Variants in DEF6 observed in about 807,000 individuals in gnomAD.
The protein encoded by DEF6 is differentially expressed in FDCP 6 homolog.
A neutral mutation model predicts 80.5 loss-of-function variants in DEF6; 32 were observed. The ratio of observed to expected loss-of-function variants is 0.40; its 90% CI spans 0.30 to 0.53. The LOEUF (loss-of-function observed/expected upper bound fraction) is 0.53, where lower values mean the gene tolerates loss of function less well. Among genes scored for constraint, DEF6 ranks in the 20% least tolerant of loss-of-function variants. The pLI, the probability that DEF6 is intolerant of heterozygous loss-of-function variation, is 0.57. For missense variants in DEF6, 575 were observed against 818.7 expected (o/e 0.70, Z 3.63); for synonymous variants, 300 against 337.9 (o/e 0.89, Z 1.23).
chr6:35,305,866 C>G (rs1791382847), intron 1 of DEF6, among the ~76,000 whole-genome samples: 1 of 151,958 alleles, frequency 6.6e-6, no homozygotes, highest in Admixed American at 6.5e-5. Context: ...AACCACTGCG[C>G]CTGGCCAAAT....
Position 35,318,019 on chromosome 6 carries a change from C to T in DEF6, c.916+20C>T, listed in dbSNP as rs1455424625. The T allele has an allele frequency of 3.1e-6, 5 of 1,605,816 alleles. No individual in the cohort carries two copies. The highest frequency in any genetic ancestry group is 2.7e-5 in the African/African-American group (2 of 74,746). ...CAGCTGGTGAGTGCTCGCTAGGTGGCTTGGGTCTGGGTGGTCCTTAGGCGC... is the reference window on the plus strand; with the variant it reads ...CAGCTGGTGAGTGCTCGCTAGGTGGTTTGGGTCTGGGTGGTCCTTAGGCGC... On this transcript the variant is annotated intron_variant, in intron 6 of 10. Coordinates refer to ENST00000316637, the MANE Select transcript of DEF6 (RefSeq NM_022047.4). The surrounding 1 kb of genome is among the most constrained non-coding windows in gnomAD (Gnocchi z 5.1).
At chr6:35,306,114 G>C (rs1240812211) in intron 1 of DEF6, among the ~76,000 whole-genome samples, 1 of 150,908 alleles carries the variant, frequency 6.6e-6, no homozygotes. Context: ...GGTGGGTCTC[G>C]AACTCCTGAC....
At chr6:35,321,028 G>A (rs1791584316) in intron 10 of DEF6, 54 bp downstream of exon 10, 1 of 1,599,946 alleles carries the variant, frequency 6.3e-7, no homozygotes, top group Non-Finnish European at 8.6e-7. Context: ...GAGAAAGGAG[G>A]GAGAAAGGTC....
chr6:35,315,847 CTTTTT>C (rs1159503411), intron 5 of DEF6, among the ~76,000 whole-genome samples: 4 of 113,818 alleles, frequency 3.5e-5, no homozygotes, highest in South Asian at 2.8e-4. Context: ...GTTGGAGTCC[CTTTTT>C]TTTTTTTTTT....
Position 35,321,197 on chromosome 6 carries a change from G to T in DEF6, c.1683G>T (p.Pro561=). 6.2e-7 allele frequency: 1 copy of T among 1,612,178 alleles called. No individual in the cohort carries two copies. ...MHPIEPGDKR[P]VTSSSFSGFQ... is the part of the protein sequence containing the mutation. ...CCTTCTCTCTGCCAGATAAGCGTCC[G>T]GTCACCAGCAGCTCCTTCTCAGGCT... is the stretch of plus-strand genomic sequence containing the variant. Residue 561 remains proline, a synonymous_variant, in exon 11 of 11, where the codon CCG becomes CCT. Transcript: ENST00000316637.
chr6:35,307,913 G>C (rs1791412975), intron 1 of DEF6, among the ~76,000 whole-genome samples: 1 of 152,160 alleles, frequency 6.6e-6, no homozygotes, highest in African/African-American at 2.4e-5. Context: ...CCTAGGAACT[G>C]ATTCCAAGGT....
At chr6:35,316,728 A>G (rs928123187) in intron 5 of DEF6, among the ~76,000 whole-genome samples, 2 of 152,216 alleles carry the variant, frequency 1.3e-5, no homozygotes, top group African/African-American at 4.8e-5. Context: ...ATGTTGAACC[A>G]TCCTTGCATC....
chr6:35,319,733 T>G lies in DEF6; in HGVS notation c.1382+43T>G. On this transcript the variant is annotated intron_variant, in intron 8 of 10. Coordinates refer to ENST00000316637, the MANE Select transcript of DEF6 (RefSeq NM_022047.4). This position sits in a 1 kb window ranked among gnomAD's most constrained non-coding sequence, Gnocchi z 4.5. The stretch of plus-strand genomic sequence containing the variant: ...CTTCTGGTTCTCTCACCACCCCTCC[T>G]GGAACACACCCCAGTTTTCCTGCTT... 1 of 1,609,510 alleles carries G rather than the reference T, an allele frequency of 6.2e-7. No homozygotes were observed. Among genetic ancestry groups the G allele is most frequent in the Non-Finnish European group, 8.5e-7 (1 of 1,176,756 alleles).
At chr6:35,313,154 CT>C (rs1000044704) in intron 5 of DEF6, among the ~76,000 whole-genome samples, 3 of 152,152 alleles carry the variant, frequency 2.0e-5, no homozygotes, top group Admixed American at 6.6e-5. Context: ...CCATACCCCT[CT>C]CCTCTGTCTT....
intron 9 of DEF6, 47 bp from the exon 10 acceptor site, chr6:35,320,837 C>T (rs764140620): frequency 6.5e-6 from 10 of 1,527,806 alleles, no homozygotes; most frequent in Non-Finnish European, 8.1e-6. Flanking sequence ...AGACTCCATG[C>T]CATGGATGAT....
At position 35,312,263 on chromosome 6, in the gene DEF6, AC is replaced by A. The variant is rs1315165076; in HGVS notation, c.424-37del. On this transcript the variant is annotated intron_variant, in intron 3 of 10. Coordinates refer to ENST00000316637, the MANE Select transcript of DEF6 (RefSeq NM_022047.4). The surrounding 1 kb of genome is among the most constrained non-coding windows in gnomAD (Gnocchi z 6.6). ...CCCTGGTGTTGGTGCTGGCAACACC[AC>A]CTGCTGCAGCTACCAGGCCTTCCTT... 1 of 1,581,706 alleles carries A rather than the reference AC, an allele frequency of 6.3e-7. No homozygotes were observed. Among genetic ancestry groups the A allele is most frequent in the Non-Finnish European group, 8.7e-7 (1 of 1,154,036 alleles).
At position 35,312,375 on chromosome 6, in the gene DEF6, T is replaced by TGGCCCAGGA. The variant is rs761086759; in HGVS notation, c.506_514dup (p.Glu169_Gln171dup). ...AGCTTGGGTGAGCTGGAGGAGCTTC[T>TGGCCCAGGA]GGCCCAGGAGGCCCAGGTGGCCCAG... On this transcript the variant is annotated inframe_insertion, in exon 4 of 11. Transcript: ENST00000316637. This position sits in a 1 kb window ranked among gnomAD's most constrained non-coding sequence, Gnocchi z 6.6. The TGGCCCAGGA allele has an allele frequency of 1.2e-6, 2 of 1,614,176 alleles. No homozygotes were observed. The highest frequency in any genetic ancestry group is 3.3e-5 in the Admixed American group (2 of 60,034).
intron 3 of DEF6, among the ~76,000 whole-genome samples, chr6:35,311,940 T>C (rs540289302): frequency 2.6e-5 from 4 of 152,314 alleles, no homozygotes; most frequent in East Asian, 3.9e-4. Flanking sequence ...GGGCTTTTTT[T>C]TGGTCATCTG....
At chr6:35,302,685 A>C (rs1791330894) in intron 1 of DEF6, among the ~76,000 whole-genome samples, 1 of 152,204 alleles carries the variant, frequency 6.6e-6, no homozygotes, top group Non-Finnish European at 1.5e-5. Context: ...AGACTGTGGG[A>C]GTCCTCTCTG....
intron 1 of DEF6, 120 bp from the exon 2 acceptor site, chr6:35,309,550 A>AGT (rs202061474): frequency 9.1e-7 from 1 of 1,098,684 alleles, no homozygotes; most frequent in Non-Finnish European, 1.3e-6. Context: ...TGAACTGAAC[A>AGT]GTGTGTGTAG....
intron 5 of DEF6, among the ~76,000 whole-genome samples, chr6:35,315,831 TTTTTTGTTG>T (rs1414411951): frequency 1.3e-5 from 2 of 151,384 alleles, no homozygotes; most frequent in Non-Finnish European, 2.9e-5. Flanking sequence ...ACTCTAACGG[TTTTTTGTTG>T]GAGTCCCTTT....
intron 1 of DEF6, among the ~76,000 whole-genome samples, chr6:35,309,104 G>A (rs1215736621): frequency 6.6e-6 from 1 of 152,200 alleles, no homozygotes; most frequent in Admixed American, 6.5e-5. Context: ...CTGCAGCCAG[G>A]ACACTGAGTC....
Position 35,321,335 on chromosome 6 carries a change from C to T in DEF6, c.1821C>T (p.Leu607=). The T allele has an allele frequency of 6.2e-7, 1 of 1,614,154 alleles. No homozygotes were observed. The highest frequency in any genetic ancestry group is 8.5e-7 in the Non-Finnish European group (1 of 1,180,020). The change falls in exon 11 of 11, where the codon CTC becomes CTT. Residue 607 remains leucine (L), a synonymous_variant. Transcript: ENST00000316637. ...ACAGCAATGAGCAGCAGAAGTCCCT[C>T]AATGGTGGGGATGAGGCTCCTGCCC... ...SPNSNEQQKS[L]NGGDEAPAPA... is the part of the protein sequence containing the mutation.
chr6:35,300,195 T>A (rs527713878), intron 1 of DEF6, among the ~76,000 whole-genome samples: 2 of 152,256 alleles, frequency 1.3e-5, no homozygotes, highest in Admixed American at 6.5e-5. Context: ...CTAATTTTTT[T>A]ATTTTTTATT....
Sources: gnomAD v4.1 joint callset for allele counts (sites outside exome capture counted in the v4.1 genomes callset) on GRCh38, gnomAD v4.1.1 for gene constraint, Gnocchi (gnomAD v3.1) non-coding constraint, MANE v1.5 for transcripts, NCBI Gene and HGNC (gene_info 2026-07-23, HGNC 2026-07-21) for gene names.